The following ADAMTSL1 variants were observed in gnomAD, a reference collection of about 807,000 sequenced individuals.
ADAMTSL1 encodes ADAMTS like 1.
ADAMTSL1 carries 126 observed loss-of-function variants against 201.8 expected under a neutral mutation model. The observed-to-expected ratio is 0.62, with a 90% CI of 0.54 to 0.72. The LOEUF (loss-of-function observed/expected upper bound fraction) is 0.72. Ranked by LOEUF, ADAMTSL1 falls within the 30% of genes least tolerant of loss-of-function variation. The pLI, the probability that ADAMTSL1 is intolerant of heterozygous loss-of-function variation, is 0.00. For synonymous variants in ADAMTSL1, 1,121 were observed against 903.4 expected, an observed-to-expected ratio of 1.24 and a Z score of -4.32; for missense variants, 2,679 against 2,277.8, an observed-to-expected ratio of 1.18 and a Z score of -3.59.
At chr9:17,999,142 C>A (rs1385752957) in intron 1 of ADAMTSL1, among the ~76,000 whole-genome samples, 1 of 151,978 alleles carries the variant, frequency 6.6e-6, no homozygotes. Context: ...AAAAGCAGAA[C>A]TGATTGTGTG....
intron 1 of ADAMTSL1, among the ~76,000 whole-genome samples, chr9:18,107,004 G>C (rs1336414219): frequency 5.3e-5 from 8 of 152,098 alleles, no homozygotes; most frequent in African/African-American, 1.9e-4. Context: ...CACATAGGTT[G>C]GGGCTTTTTT....
intron 1 of ADAMTSL1, among the ~76,000 whole-genome samples, chr9:18,074,112 G>A (rs1410538455): frequency 2.6e-5 from 4 of 152,236 alleles, no homozygotes; most frequent in Non-Finnish European, 4.4e-5. Context: ...GAGCATTGGG[G>A]ACATGAGATT....
chr9:18,079,465 T>A (rs1823379849), intron 1 of ADAMTSL1, among the ~76,000 whole-genome samples: 1 of 151,742 alleles, frequency 6.6e-6, no homozygotes. Flanking sequence ...GATCACGAGG[T>A]CAGGAGACAG....
At chr9:18,888,823 T>G (rs998638940) in intron 24 of ADAMTSL1, among the ~76,000 whole-genome samples, 1 of 152,220 alleles carries the variant, frequency 6.6e-6, no homozygotes, top group African/African-American at 2.4e-5. Context: ...TCTAAGCAGT[T>G]AAGTTTTCTT....
At chr9:18,662,215 C>A in intron 9 of ADAMTSL1, 142 bp downstream of exon 9, 1 of 1,129,728 alleles carries the variant, frequency 8.9e-7, no homozygotes, top group Non-Finnish European at 1.2e-6. Flanking sequence ...CATTACTAAT[C>A]ACGTGTTATT....
intron 13 of ADAMTSL1, among the ~76,000 whole-genome samples, chr9:18,702,066 A>G (rs924256029): frequency 1.3e-5 from 2 of 152,186 alleles, no homozygotes; most frequent in African/African-American, 4.8e-5. Context: ...GGCAGGCAAA[A>G]AAGAGAGCTC....
chr9:18,300,400 G>A (rs564346454), intron 2 of ADAMTSL1, among the ~76,000 whole-genome samples: 3 of 138,498 alleles, frequency 2.2e-5, no homozygotes, highest in East Asian at 4.7e-4. Context: ...TCATAGGTGG[G>A]AATTGAACAA....
chr9:18,438,425 C>A (rs1371567775), intron 2 of ADAMTSL1, among the ~76,000 whole-genome samples: 1 of 152,144 alleles, frequency 6.6e-6, no homozygotes, highest in Non-Finnish European at 1.5e-5. Context: ...CAGCCACCCC[C>A]ACGGACAGCT....
chr9:18,579,900 T>A, intron 4 of ADAMTSL1, among the ~76,000 whole-genome samples: 1 of 152,362 alleles, frequency 6.6e-6, no homozygotes, highest in South Asian at 2.1e-4. Flanking sequence ...CTGTTTTAAA[T>A]ATATTTTTTA....
At chr9:17,943,644 G>C (rs941008585) in intron 1 of ADAMTSL1, among the ~76,000 whole-genome samples, 1 of 152,086 alleles carries the variant, frequency 6.6e-6, no homozygotes, top group Non-Finnish European at 1.5e-5. Context: ...AAGCTCTTCA[G>C]TTCCTTTCCC....
chr9:18,311,212 G>A (rs927767638), intron 2 of ADAMTSL1, among the ~76,000 whole-genome samples: 1 of 151,970 alleles, frequency 6.6e-6, no homozygotes, highest in African/African-American at 2.4e-5. Context: ...CAGGGGGTGG[G>A]GGGCTAGGGT....
chr9:18,406,414 C>T (rs1293871489), intron 2 of ADAMTSL1, among the ~76,000 whole-genome samples: 2 of 151,374 alleles, frequency 1.3e-5, no homozygotes, highest in African/African-American at 2.4e-5. Flanking sequence ...CTGCAACCTC[C>T]GCCTCCTGGG....
chr9:18,197,860 C>T (rs966441202), intron 2 of ADAMTSL1, among the ~76,000 whole-genome samples: 2 of 151,940 alleles, frequency 1.3e-5, no homozygotes, highest in Non-Finnish European at 2.9e-5. Flanking sequence ...TCAAACTATA[C>T]TACAAGGCTA....
intron 20 of ADAMTSL1, among the ~76,000 whole-genome samples, chr9:18,813,120 C>A (rs1173735408): frequency 1.3e-5 from 2 of 151,968 alleles, no homozygotes; most frequent in Non-Finnish European, 2.9e-5. Context: ...GGCTGTGCCA[C>A]CACGCCCAGC....
chr9:18,124,110 T>A (rs1485635520), intron 1 of ADAMTSL1, among the ~76,000 whole-genome samples: 2 of 108,732 alleles, frequency 1.8e-5, no homozygotes, highest in Non-Finnish European at 3.8e-5. Flanking sequence ...TGAGATGGAG[T>A]TTTTGCTCTG....
chr9:18,617,424 A>G (rs1370393031), intron 4 of ADAMTSL1, among the ~76,000 whole-genome samples: 1 of 151,926 alleles, frequency 6.6e-6, no homozygotes, highest in Admixed American at 6.6e-5. Flanking sequence ...CCTGATGCCT[A>G]AAATCTGCAC....
chr9:18,471,072 A>C (rs928195785), upstream of ADAMTSL1, among the ~76,000 whole-genome samples: 1 of 152,200 alleles, frequency 6.6e-6, no homozygotes, highest in African/African-American at 2.4e-5. Flanking sequence ...AAAGTTTTAC[A>C]TTACTTTTCC....
At chr9:18,684,128 G>A (rs1830681964) in intron 12 of ADAMTSL1, among the ~76,000 whole-genome samples, 1 of 152,140 alleles carries the variant, frequency 6.6e-6, no homozygotes, top group African/African-American at 2.4e-5. Flanking sequence ...AGATAAATAG[G>A]TGAAATAAGT....
At chr9:18,046,420 C>T (rs917562831) in intron 1 of ADAMTSL1, among the ~76,000 whole-genome samples, 1 of 152,128 alleles carries the variant, frequency 6.6e-6, no homozygotes, top group African/African-American at 2.4e-5. Flanking sequence ...AGTAAAGAGG[C>T]ATATAAGCCC....
Sources: allele counts gnomAD v4.1 joint callset (sites outside exome capture counted in the v4.1 genomes callset), GRCh38; gene constraint gnomAD v4.1.1; transcripts MANE v1.5; gene names NCBI Gene and HGNC (gene_info 2026-07-23, HGNC 2026-07-21).